The following TENM3 variants were observed in gnomAD, a reference collection of about 807,000 sequenced individuals.
TENM3 encodes the protein teneurin-3.
TENM3 carries 63 observed loss-of-function variants against 255.1 expected under a neutral mutation model. The ratio of observed to expected loss-of-function variants is 0.25; its 90% confidence interval spans 0.20 to 0.30. The LOEUF (loss-of-function observed/expected upper bound fraction) is 0.30. TENM3 is among the 10% of genes least tolerant of loss of function. The pLI, the probability that TENM3 is intolerant of heterozygous loss-of-function variation, is 1.00. For synonymous variants in TENM3, 1,306 were observed against 1,322.3 expected, an observed-to-expected ratio of 0.99 and a Z score of 0.27; for missense variants, 2,929 against 3,461.1, an observed-to-expected ratio of 0.85 and a Z score of 3.86.
the TENM3 span, among the ~76,000 whole-genome samples, chr4:181,912,014 G>A: frequency 6.6e-6 from 1 of 152,188 alleles, no homozygotes; most frequent in African/African-American, 2.4e-5. Context: ...TACCTCAAGT[G>A]TATTTTAGGA....
chr4:182,325,249 A>G (rs1004603354), intron 2 of TENM3, among the ~76,000 whole-genome samples: 1 of 152,258 alleles, frequency 6.6e-6, no homozygotes. Flanking sequence ...GGGCAGGAAC[A>G]CATTTAAGAA....
intron 3 of TENM3, among the ~76,000 whole-genome samples, chr4:182,438,996 T>C (rs1396367806): frequency 6.6e-6 from 1 of 152,182 alleles, no homozygotes; most frequent in African/African-American, 2.4e-5. Context: ...AGTGTCAAAA[T>C]CTACACGTGG....
At chr4:182,745,998 A>C (rs1438445097) in intron 19 of TENM3, among the ~76,000 whole-genome samples, 1 of 152,192 alleles carries the variant, frequency 6.6e-6, no homozygotes. Flanking sequence ...TTTATGTGCC[A>C]TGCATGAAGA....
intron 3 of TENM3, among the ~76,000 whole-genome samples, chr4:182,525,368 C>T (rs1267082109): frequency 7.2e-5 from 11 of 152,204 alleles, no homozygotes; most frequent in Non-Finnish European, 1.3e-4. Context: ...TGCATATTAT[C>T]TCCAGTTTTA....
At chr4:181,526,663 G>T in the TENM3 span, among the ~76,000 whole-genome samples, 2 of 139,792 alleles carry the variant, frequency 1.4e-5, no homozygotes, top group Non-Finnish European at 3.0e-5. Context: ...TGGTGGTAGT[G>T]ATGGTGGTGA....
chr4:181,784,057 T>TTATTCTATTGC, the TENM3 span, among the ~76,000 whole-genome samples: 1 of 152,194 alleles, frequency 6.6e-6, no homozygotes, highest in African/African-American at 2.4e-5. Flanking sequence ...TTTACTTTTC[T>TTATTCTATTGC]TATTCTATTG....
intron 2 of TENM3, among the ~76,000 whole-genome samples, chr4:182,338,082 T>G (rs1764254808): frequency 1.3e-5 from 2 of 152,178 alleles, no homozygotes; most frequent in African/African-American, 4.8e-5. Flanking sequence ...GATCTATGTA[T>G]GTCACTGCCT....
At chr4:181,472,611 C>T in the TENM3 span, among the ~76,000 whole-genome samples, 4 of 151,034 alleles carry the variant, frequency 2.6e-5, no homozygotes, top group African/African-American at 9.8e-5. Context: ...GGGATGATTC[C>T]TGAGCACAGG....
At chr4:182,676,909 A>G (rs1214303953) in intron 7 of TENM3, among the ~76,000 whole-genome samples, 3 of 152,058 alleles carry the variant, frequency 2.0e-5, no homozygotes, top group Admixed American at 6.6e-5. Context: ...GCTTTGTCTC[A>G]CGATGGCTCC....
chr4:182,254,502 T>G (rs543552066), intron 1 of TENM3, among the ~76,000 whole-genome samples: 3 of 152,200 alleles, frequency 2.0e-5, no homozygotes, highest in Non-Finnish European at 2.9e-5. Flanking sequence ...CAAGTATGGC[T>G]TCCTCGAAAA....
the TENM3 span, among the ~76,000 whole-genome samples, chr4:181,714,509 A>G: frequency 6.6e-6 from 1 of 152,226 alleles, no homozygotes; most frequent in Non-Finnish European, 1.5e-5. Context: ...CAGATGACTC[A>G]GAGCCATGAT....
At chr4:182,289,864 C>T (rs559298805) in intron 1 of TENM3, among the ~76,000 whole-genome samples, 8 of 152,240 alleles carry the variant, frequency 5.3e-5, no homozygotes, top group Middle Eastern at 3.4e-3. Context: ...GCTTCAGTGT[C>T]GGGTTGCCCG....
At chr4:182,526,580 T>C (rs940694190) in intron 3 of TENM3, among the ~76,000 whole-genome samples, 9 of 152,198 alleles carry the variant, frequency 5.9e-5, no homozygotes, top group African/African-American at 2.2e-4. Flanking sequence ...AATATTACTT[T>C]GTTTAGTGTC....
chr4:181,511,776 T>C, the TENM3 span, among the ~76,000 whole-genome samples: 1 of 152,098 alleles, frequency 6.6e-6, no homozygotes, highest in Non-Finnish European at 1.5e-5. Flanking sequence ...GGGAGCTCTA[T>C]AGTGGAGGAC....
At chr4:181,804,262 G>A in the TENM3 span, among the ~76,000 whole-genome samples, 1 of 151,758 alleles carries the variant, frequency 6.6e-6, no homozygotes, top group African/African-American at 2.4e-5. Flanking sequence ...GGAATTAATT[G>A]ACAAATAATA....
chr4:181,672,255 A>G, the TENM3 span, among the ~76,000 whole-genome samples: 48 of 152,270 alleles, frequency 3.2e-4, no homozygotes, highest in African/African-American at 1.1e-3. Context: ...GAATAATAAT[A>G]CAAAGTTCAC....
chr4:181,988,655 A>G, the TENM3 span, among the ~76,000 whole-genome samples: 1 of 152,132 alleles, frequency 6.6e-6, no homozygotes, highest in Non-Finnish European at 1.5e-5. Context: ...CCAAAGTGGC[A>G]TCATAATGAA....
chr4:182,094,822 A>T, the TENM3 span, among the ~76,000 whole-genome samples: 3 of 152,292 alleles, frequency 2.0e-5, 1 homozygote, highest in South Asian at 6.2e-4. Context: ...AAATGAGATG[A>T]CAGGCTTCAG....
rs73869969 is a variant in TENM3, at chr4:182,400,977, C to T, written c.511+54048C>T. On this transcript the variant is annotated intron_variant, in intron 3 of 27. Coordinates refer to ENST00000511685, the MANE Select transcript of TENM3 (RefSeq NM_001080477.4). ...GATAAATATAAATGTGGAGCAACCCCGTGCTGCTGGTGCGTAGTGGATGTG... is the reference window on the plus strand; with the variant it reads ...GATAAATATAAATGTGGAGCAACCCTGTGCTGCTGGTGCGTAGTGGATGTG... 7.5e-3 allele frequency among the ~76,000 whole-genome samples: 1,145 copies of T among 152,244 alleles called. 16 individuals carry two copies. Among genetic ancestry groups the T allele is most frequent in the African/African-American group, 0.026 (1,060 of 41,538 alleles).
Sources: gnomAD v4.1 joint callset for allele counts (sites outside exome capture counted in the v4.1 genomes callset) on GRCh38, gnomAD v4.1.1 for gene constraint, MANE v1.5 for transcripts, NCBI Gene and HGNC (gene_info 2026-07-23, HGNC 2026-07-21) for gene names.